The following FMN1 variants were observed in gnomAD, a reference collection of about 807,000 sequenced individuals.
FMN1 encodes formin-1.
Under a neutral mutation model 132.4 loss-of-function variants are expected in FMN1, and 110 were observed. The ratio of observed to expected loss-of-function variants is 0.83; its 90% CI spans 0.71 to 0.97. FMN1 has a LOEUF of 0.97. FMN1 is among the 50% of genes least tolerant of loss of function. FMN1 has a pLI of 0.00. For missense variants in FMN1, 1,792 were observed against 1,705.3 expected, an observed-to-expected ratio of 1.05 and a Z score of -0.90; for synonymous variants, 722 against 651.7, an observed-to-expected ratio of 1.11 and a Z score of -1.64.
At chr15:32,898,802 G>A in intron 15 of FMN1, 32 bp downstream of exon 15, 2 of 1,421,898 alleles carry the variant, frequency 1.4e-6, no homozygotes, top group Non-Finnish European at 2.0e-6. Flanking sequence ...TGAGTAAGAG[G>A]TGAAACTTTT....
intron 10 of FMN1, among the ~76,000 whole-genome samples, chr15:32,925,714 C>T (rs141555877): frequency 3.7e-4 from 56 of 152,244 alleles, no homozygotes; most frequent in Non-Finnish European, 1.9e-4. Flanking sequence ...TGAGTAACTA[C>T]GATTAATGTC....
chr15:33,047,634 T>C (rs572840709), intron 6 of FMN1, among the ~76,000 whole-genome samples: 2 of 152,182 alleles, frequency 1.3e-5, no homozygotes, highest in Non-Finnish European at 2.9e-5. Context: ...CGGTTTTGCA[T>C]GGTGTTAGCT....
intron 3 of FMN1, among the ~76,000 whole-genome samples, chr15:33,175,275 C>A (rs942211916): frequency 2.6e-5 from 4 of 152,110 alleles, no homozygotes; most frequent in African/African-American, 9.7e-5. Flanking sequence ...TGCCATGTTG[C>A]CCAGGCTGGG....
At chr15:33,158,286 T>A (rs992281898) in intron 3 of FMN1, among the ~76,000 whole-genome samples, 1 of 152,180 alleles carries the variant, frequency 6.6e-6, no homozygotes, top group Non-Finnish European at 1.5e-5. Flanking sequence ...CTGGTCTTTA[T>A]AAGTCTTGGT....
chr15:32,960,702 A>C (rs1168889540), intron 9 of FMN1, among the ~76,000 whole-genome samples: 1 of 152,154 alleles, frequency 6.6e-6, no homozygotes, highest in African/African-American at 2.4e-5. Flanking sequence ...ATGTAATTTA[A>C]CAAGGAAACG....
chr15:33,058,625 G>T (rs2037343929), intron 6 of FMN1, among the ~76,000 whole-genome samples: 1 of 152,268 alleles, frequency 6.6e-6, no homozygotes, highest in East Asian at 1.9e-4. Context: ...TCCTATTTGA[G>T]GAATCAAAAG....
intron 6 of FMN1, among the ~76,000 whole-genome samples, chr15:33,044,971 C>T (rs1243935837): frequency 2.0e-5 from 3 of 152,214 alleles, no homozygotes; most frequent in Non-Finnish European, 4.4e-5. Flanking sequence ...CTGAAACATG[C>T]CCCTTGCTTG....
intron 7 of FMN1, among the ~76,000 whole-genome samples, chr15:32,979,752 C>CA (rs11461308): frequency 0.82 from 123,863 of 151,860 alleles, 50,667 homozygotes; most frequent in East Asian, 0.97. Flanking sequence ...AACCCAGGAC[C>CA]TACCATCAAA....
intron 6 of FMN1, 168 bp downstream of exon 6, chr15:33,064,789 C>T (rs553954839): frequency 1.3e-5 from 6 of 479,778 alleles, no homozygotes; most frequent in East Asian, 3.4e-5. Context: ...GGCTCGTTAA[C>T]AATAAGTGTG....
intron 2 of FMN1, among the ~76,000 whole-genome samples, chr15:33,181,707 C>CTTTTTTT (rs753993602): frequency 2.4e-5 from 3 of 126,216 alleles, no homozygotes; most frequent in Non-Finnish European, 5.0e-5. Context: ...TTTTTTCTTT[C>CTTTTTTT]TTTTTTTTTT....
chr15:32,846,346 A>G (rs1331479418), intron 17 of FMN1, among the ~76,000 whole-genome samples: 1 of 152,212 alleles, frequency 6.6e-6, no homozygotes, highest in East Asian at 1.9e-4. Flanking sequence ...ACAAAGGCCT[A>G]GTATCCAGAA....
At chr15:32,925,402 C>A (rs2060935089) in intron 10 of FMN1, among the ~76,000 whole-genome samples, 1 of 152,100 alleles carries the variant, frequency 6.6e-6, no homozygotes, top group Admixed American at 6.5e-5. Context: ...GTCTCTAGAT[C>A]AGACAGTTTA....
chr15:32,984,172 T>A (rs1310247225), intron 7 of FMN1, among the ~76,000 whole-genome samples: 1 of 152,246 alleles, frequency 6.6e-6, no homozygotes, highest in Non-Finnish European at 1.5e-5. Flanking sequence ...CTATCTTCTA[T>A]TCTCAAGCCA....
rs567085344 is a variant in FMN1, at chr15:33,001,783, G to A, written c.2223+6231C>T. Among the ~76,000 whole-genome samples the A allele has an allele frequency of 1.5e-3, 216 of 148,498 alleles. 3 individuals carry two copies. The highest frequency in any genetic ancestry group is 5.2e-3 in the African/African-American group (209 of 40,352). ...CGCTCAGGCTGGACTGCGGTGGTGC[G>A]CGCATGCAGCATGCTACACCTTTTG... is the stretch of plus-strand genomic sequence containing the variant. On this transcript the variant is annotated intron_variant, in intron 7 of 20. Transcript: ENST00000616417.
At chr15:32,966,318 G>C (rs1157075084) in intron 8 of FMN1, among the ~76,000 whole-genome samples, 2 of 152,102 alleles carry the variant, frequency 1.3e-5, no homozygotes, top group South Asian at 4.1e-4. Flanking sequence ...TATGGGAAAG[G>C]TATTTCCAAT....
intron 10 of FMN1, among the ~76,000 whole-genome samples, chr15:32,924,822 G>A (rs1052850687): frequency 1.3e-5 from 2 of 152,320 alleles, no homozygotes; most frequent in East Asian, 1.9e-4. Context: ...GCTGAGGCAG[G>A]AGAATCACTT....
intron 3 of FMN1, among the ~76,000 whole-genome samples, chr15:33,176,926 G>A (rs554308419): frequency 6.6e-6 from 1 of 152,164 alleles, no homozygotes; most frequent in Non-Finnish European, 1.5e-5. Context: ...CATCAAGAGT[G>A]TTTCTATGCT....
intron 17 of FMN1, among the ~76,000 whole-genome samples, chr15:32,841,624 T>C (rs146062307): frequency 6.6e-6 from 1 of 152,188 alleles, no homozygotes; most frequent in African/African-American, 2.4e-5. Context: ...ATGGTTCTTG[T>C]GTGTTTCAGT....
chr15:32,898,703 T>C, intron 15 of FMN1, 131 bp downstream of exon 15: 1 of 610,238 alleles, frequency 1.6e-6, no homozygotes, highest in Non-Finnish European at 2.9e-6. Context: ...TGCTCATCTG[T>C]AAACCACGCT....
Sources: allele counts gnomAD v4.1 joint callset (sites outside exome capture counted in the v4.1 genomes callset), GRCh38; gene constraint gnomAD v4.1.1; transcripts MANE v1.5; gene names NCBI Gene and HGNC (gene_info 2026-07-23, HGNC 2026-07-21).